Variants in GSR observed in about 807,000 individuals in gnomAD.
The protein encoded by GSR is glutathione-disulfide reductase, also known as glutathione reductase, mitochondrial.
In GSR, 48 loss-of-function variants were observed where a neutral mutation model predicts 56.5. The ratio of observed to expected loss-of-function variants is 0.85; its 90% CI spans 0.67 to 1.08. The LOEUF (loss-of-function observed/expected upper bound fraction) is 1.08. Ranked by LOEUF, GSR falls within the 50% of genes least tolerant of loss-of-function variation. The pLI, the probability that GSR is intolerant of heterozygous loss-of-function variation, is 0.00. For missense variants in GSR, 694 were observed against 703.3 expected (o/e 0.99, Z 0.15); for synonymous variants, 264 against 270.8 (o/e 0.97, Z 0.25).
chr8:30,680,300 C>A (rs541809873), intron 12 of GSR, among the ~76,000 whole-genome samples: 1 of 151,486 alleles, frequency 6.6e-6, no homozygotes, highest in East Asian at 1.9e-4. Context: ...AACTCCTGAG[C>A]TCAGGCAATC....
chr8:30,723,791 C>T (rs867551898), intron 1 of GSR, among the ~76,000 whole-genome samples: 2 of 17,274 alleles, frequency 1.2e-4, no homozygotes, highest in Non-Finnish European at 2.4e-3. Flanking sequence ...CAAACACACA[C>T]ACACACACAC....
Position 30,680,898 on chromosome 8 carries a change from C to T in GSR, c.1419+6G>A, listed in dbSNP as rs1322011360. 3 of 1,613,168 alleles carry T rather than the reference C, an allele frequency of 1.9e-6. No individual in the cohort carries two copies. The East Asian group carries it at 6.7e-5, about 36-fold the overall frequency. On this transcript the variant is annotated splice_donor_region_variant and intron_variant, in intron 12 of 12. Transcript: ENST00000221130. ...GCACTATTTAGTTTGCTGGATTTTT[C>T]CTTACCTTTTCTTCCTTGTTAGCAC...
At chr8:30,710,768 A>AT (rs145491989) in intron 2 of GSR, among the ~76,000 whole-genome samples, 1,762 of 129,970 alleles carry the variant, frequency 0.014, 44 homozygotes, top group African/African-American at 0.046. Context: ...AAGAAAAAAA[A>AT]ATATATAAAT....
intron 7 of GSR, among the ~76,000 whole-genome samples, chr8:30,694,289 T>C (rs1172603321): frequency 6.6e-6 from 1 of 152,178 alleles, no homozygotes; most frequent in Non-Finnish European, 1.5e-5. Flanking sequence ...CCTGCAGAAC[T>C]AGGCCCCAAA....
intron 4 of GSR, among the ~76,000 whole-genome samples, chr8:30,705,658 G>A (rs771856930): frequency 2.0e-5 from 3 of 152,146 alleles, no homozygotes; most frequent in African/African-American, 4.8e-5. Context: ...CTTGAGCCTG[G>A]GAGGTTAAGG....
intron 4 of GSR, chr8:30,706,933 T>TC (rs1350109730): frequency 6.6e-6 from 1 of 152,106 alleles, no homozygotes; most frequent in East Asian, 1.9e-4. Context: ...GGTCAGGAGT[T>TC]CGAGACCCCT....
intron 1 of GSR, among the ~76,000 whole-genome samples, chr8:30,722,801 A>T (rs1400131654): frequency 6.6e-6 from 1 of 151,762 alleles, no homozygotes; most frequent in African/African-American, 2.4e-5. Context: ...TCATAATATC[A>T]AAGTACACAG....
chr8:30,712,103 A>AG lies in GSR; in HGVS notation c.307-16_307-15insC. ...CCAACATTCACCTGGAAAAAAAAAA[A>AG]AGAGACACACTTTAAGAATATTGAA... On this transcript the variant is annotated splice_polypyrimidine_tract_variant and intron_variant, in intron 1 of 12. Coordinates refer to ENST00000221130, the MANE Select transcript of GSR (RefSeq NM_000637.5). The AG allele has an allele frequency of 2.9e-6, 4 of 1,395,356 alleles. No homozygotes were observed. Among genetic ancestry groups the AG allele is most frequent in the Non-Finnish European group, 3.0e-6 (3 of 990,788 alleles). 86.4% of individuals were successfully genotyped at this position (1,395,356 alleles called of 1,614,324 possible).
At chr8:30,707,206 T>C (rs1400995241) in intron 4 of GSR, 1 of 152,206 alleles carries the variant, frequency 6.6e-6, no homozygotes, top group Non-Finnish European at 1.5e-5. Flanking sequence ...ACTGGTATAC[T>C]GGTGCACAAA....
chr8:30,695,504 G>C (rs1192592343), intron 7 of GSR, among the ~76,000 whole-genome samples: 1 of 152,080 alleles, frequency 6.6e-6, no homozygotes, highest in Non-Finnish European at 1.5e-5. Context: ...AAAGTGCTGG[G>C]AATTAGAGGC....
intron 5 of GSR, among the ~76,000 whole-genome samples, chr8:30,701,769 G>A (rs995113664): frequency 7.1e-6 from 1 of 141,654 alleles, no homozygotes; most frequent in African/African-American, 2.6e-5. Flanking sequence ...CTCCAGCCTG[G>A]GTGGCAGAGC....
At chr8:30,719,829 G>A (rs757233406) in intron 1 of GSR, among the ~76,000 whole-genome samples, 2 of 152,136 alleles carry the variant, frequency 1.3e-5, no homozygotes, top group African/African-American at 2.4e-5. Flanking sequence ...GCCTAGCCAG[G>A]TAGAAACTTC....
At chr8:30,715,600 C>A (rs947533320) in intron 1 of GSR, among the ~76,000 whole-genome samples, 8 of 152,282 alleles carry the variant, frequency 5.3e-5, no homozygotes, top group Admixed American at 4.6e-4. Context: ...CCACCCACAC[C>A]TTTATACCCT....
intron 4 of GSR, among the ~76,000 whole-genome samples, chr8:30,706,590 C>A (rs1016504853): frequency 3.9e-5 from 6 of 151,916 alleles, no homozygotes; most frequent in Non-Finnish European, 8.8e-5. Context: ...TGAAGGGTGG[C>A]GGGAAGATAT....
intron 5 of GSR, among the ~76,000 whole-genome samples, chr8:30,700,603 AG>A (rs1803697719): frequency 6.6e-6 from 1 of 151,848 alleles, no homozygotes; most frequent in African/African-American, 2.4e-5. Flanking sequence ...ACGCACCTAT[AG>A]TCCCAGCTAC....
chr8:30,704,770 T>C (rs1026538825), intron 4 of GSR: 1 of 152,138 alleles, frequency 6.6e-6, no homozygotes, highest in Admixed American at 6.6e-5. Flanking sequence ...TTCCTGCAGG[T>C]GCCAGGCTTA....
At chr8:30,716,737 G>A (rs1039549179) in intron 1 of GSR, among the ~76,000 whole-genome samples, 1 of 152,048 alleles carries the variant, frequency 6.6e-6, no homozygotes, top group Non-Finnish European at 1.5e-5. Flanking sequence ...AGCTTGGGAG[G>A]TCAAGGCTAC....
chr8:30,708,377 G>A lies in GSR; in HGVS notation c.423-236C>T, dbSNP rs8190954. Among the ~76,000 whole-genome samples the A allele has an allele frequency of 0.056, 8,600 of 152,220 alleles. 289 individuals are homozygous for A. Among genetic ancestry groups the A allele is most frequent in the South Asian group, 0.17 (823 of 4,816 alleles). On this transcript the variant is annotated intron_variant, in intron 3 of 12. Transcript: ENST00000221130. ...CACTCAGTTGGCATCATCTTTCTGC[G>A]CAGAAGACAAGGAGAAATGTTTTGG...
At chr8:30,722,161 T>C (rs1804563080) in intron 1 of GSR, among the ~76,000 whole-genome samples, 1 of 152,172 alleles carries the variant, frequency 6.6e-6, no homozygotes, top group Admixed American at 6.6e-5. Context: ...CAACAGTATA[T>C]GAAGACTAGT....
Sources: allele counts gnomAD v4.1 joint callset (sites outside exome capture counted in the v4.1 genomes callset), GRCh38; gene constraint gnomAD v4.1.1; transcripts MANE v1.5; gene names NCBI Gene and HGNC (gene_info 2026-07-23, HGNC 2026-07-21).